The following ASH1L variants were observed in gnomAD, a reference collection of about 807,000 sequenced individuals.
The protein encoded by ASH1L is ASH1 like histone lysine methyltransferase.
In ASH1L, 23 loss-of-function variants were observed where a neutral mutation model predicts 269.0. The observed-to-expected ratio is 0.09, with a 90% CI of 0.06 to 0.12. The LOEUF is 0.12. Ranked by LOEUF, ASH1L falls within the 10% of genes least tolerant of loss-of-function variation. The pLI is 1.00. For missense variants in ASH1L, 2,912 were observed against 3,567.8 expected, an observed-to-expected ratio of 0.82 and a Z score of 4.68; for synonymous variants, 1,187 against 1,253.5, an observed-to-expected ratio of 0.95 and a Z score of 1.12.
At chr1:155,430,752 AT>A (rs1292045338) in intron 5 of ASH1L, among the ~76,000 whole-genome samples, 1 of 151,992 alleles carries the variant, frequency 6.6e-6, no homozygotes, top group Admixed American at 6.6e-5. Flanking sequence ...TTCCAATATC[AT>A]TTTCAGGCTC....
At chr1:155,410,070 CAGG>C (rs1159215466) in intron 6 of ASH1L, among the ~76,000 whole-genome samples, 7 of 151,400 alleles carry the variant, frequency 4.6e-5, no homozygotes, top group Admixed American at 4.6e-4. Flanking sequence ...GAGGCTGAGG[CAGG>C]AGAATTGCTT....
intron 10 of ASH1L, among the ~76,000 whole-genome samples, chr1:155,375,639 T>C (rs1451377620): frequency 6.6e-6 from 1 of 151,696 alleles, no homozygotes; most frequent in Admixed American, 6.6e-5. Flanking sequence ...ATACAAAAAT[T>C]ATTAGCCGGG....
intron 4 of ASH1L, among the ~76,000 whole-genome samples, chr1:155,448,742 G>A (rs992207785): frequency 2.6e-5 from 4 of 152,108 alleles, no homozygotes; most frequent in South Asian, 2.1e-4. Flanking sequence ...TCATCTGCCC[G>A]CCTCGGCCTC....
chr1:155,502,147 T>G (rs1307556052), intron 2 of ASH1L, among the ~76,000 whole-genome samples: 2 of 150,192 alleles, frequency 1.3e-5, no homozygotes, highest in African/African-American at 4.9e-5. Context: ...CTTGGCTCAC[T>G]GCAACCTCCG....
intron 5 of ASH1L, 127 bp downstream of exon 5, chr1:155,438,200 A>T: frequency 9.5e-7 from 1 of 1,047,460 alleles, no homozygotes; most frequent in East Asian, 2.5e-5. Context: ...ACAGTTTTTG[A>T]AAAGAAATGG....
chr1:155,497,439 T>G (rs938202167), intron 2 of ASH1L, among the ~76,000 whole-genome samples: 4 of 152,206 alleles, frequency 2.6e-5, no homozygotes, highest in African/African-American at 9.6e-5. Context: ...CTTGGCCTAT[T>G]CAAAATGAAG....
chr1:155,364,765 C>A (rs889781294), intron 12 of ASH1L, among the ~76,000 whole-genome samples: 4 of 151,744 alleles, frequency 2.6e-5, no homozygotes, highest in African/African-American at 7.3e-5. Context: ...CATGGCACAA[C>A]CCTGTCTCTA....
At chr1:155,544,436 G>A (rs1224368455) in intron 1 of ASH1L, among the ~76,000 whole-genome samples, 1 of 151,878 alleles carries the variant, frequency 6.6e-6, no homozygotes, top group Non-Finnish European at 1.5e-5. Context: ...ATAGGTGCCT[G>A]CAACCACGAC....
At chr1:155,491,478 G>A (rs987916813) in intron 2 of ASH1L, among the ~76,000 whole-genome samples, 4 of 152,076 alleles carry the variant, frequency 2.6e-5, no homozygotes, top group Admixed American at 6.6e-5. Flanking sequence ...ACCATATAGT[G>A]AAATTACTAT....
chr1:155,459,844 C>T lies in ASH1L; in HGVS notation c.5039G>A (p.Cys1680Tyr), dbSNP rs780308394. 2 of 1,612,950 alleles carry T rather than the reference C, an allele frequency of 1.2e-6. No homozygotes were observed. The highest frequency in any genetic ancestry group is 1.7e-5 in the Admixed American group (1 of 59,802). Reference protein sequence around the residue: ...PSQRPSESTNCSPTRKRSSSE... With the variant: ...PSQRPSESTNYSPTRKRSSSE... Reference sequence around the variant, plus strand: ...TGAAGACCTTTTCCGGGTAGGGCTACAATTTGTGCTCTCTGATGGCCGCTG... The same window carrying T: ...TGAAGACCTTTTCCGGGTAGGGCTATAATTTGTGCTCTCTGATGGCCGCTG... Residue 1680 changes from cysteine to tyrosine, a missense_variant, in exon 4 of 28, where the codon TGT (cysteine) becomes TAT (tyrosine). Transcript: ENST00000392403.
chr1:155,527,860 T>C (rs778856116), intron 1 of ASH1L, among the ~76,000 whole-genome samples: 2 of 152,086 alleles, frequency 1.3e-5, no homozygotes, highest in Non-Finnish European at 2.9e-5. Context: ...GACTCCTCTC[T>C]TGATTGTTCT....
intron 3 of ASH1L, among the ~76,000 whole-genome samples, chr1:155,473,490 CTA>C (rs1665273791): frequency 7.0e-6 from 1 of 142,352 alleles, no homozygotes; most frequent in Non-Finnish European, 1.5e-5. Context: ...TGTAGTATTT[CTA>C]TTTTTTTTTT....
chr1:155,466,631 T>A (rs1664722475), intron 3 of ASH1L, among the ~76,000 whole-genome samples: 2 of 152,350 alleles, frequency 1.3e-5, no homozygotes, highest in South Asian at 4.1e-4. Context: ...TTGTTACATG[T>A]ATAGAATGTA....
intron 6 of ASH1L, among the ~76,000 whole-genome samples, chr1:155,402,085 C>CT (rs749628372): frequency 7.9e-5 from 12 of 151,422 alleles, no homozygotes; most frequent in Non-Finnish European, 1.8e-4. Context: ...GCAAGACTGT[C>CT]TAAAAAAAAA....
chr1:155,471,824 T>G (rs1213787688), intron 3 of ASH1L, among the ~76,000 whole-genome samples: 1 of 152,242 alleles, frequency 6.6e-6, no homozygotes, highest in Non-Finnish European at 1.5e-5. Flanking sequence ...AATTTGTGAC[T>G]GGCATCTGCA....
chr1:155,455,650 G>A (rs559835832), intron 4 of ASH1L, among the ~76,000 whole-genome samples: 21 of 152,160 alleles, frequency 1.4e-4, no homozygotes, highest in Non-Finnish European at 2.8e-4. Context: ...ATATGAGAAA[G>A]CTAGGTCAAC....
At chr1:155,560,713 A>T (rs1671902055) in intron 1 of ASH1L, among the ~76,000 whole-genome samples, 1 of 152,134 alleles carries the variant, frequency 6.6e-6, no homozygotes, top group South Asian at 2.1e-4. Flanking sequence ...CCTCCCACAG[A>T]TTTCAAGTTA....
intron 17 of ASH1L, among the ~76,000 whole-genome samples, chr1:155,350,538 T>C (rs1483304508): frequency 6.6e-6 from 1 of 152,132 alleles, no homozygotes; most frequent in African/African-American, 2.4e-5. Context: ...TAGGGCAAAT[T>C]ACTACTCAAC....
At chr1:155,459,353 G>A (rs1221307763) in intron 4 of ASH1L, among the ~76,000 whole-genome samples, 1 of 152,110 alleles carries the variant, frequency 6.6e-6, no homozygotes, top group Non-Finnish European at 1.5e-5. Context: ...ACGCCACCAT[G>A]CCTGGCTAGT....
Sources: allele counts gnomAD v4.1 joint callset (sites outside exome capture counted in the v4.1 genomes callset), GRCh38; gene constraint gnomAD v4.1.1; transcripts MANE v1.5; gene names NCBI Gene and HGNC (gene_info 2026-07-23, HGNC 2026-07-21).